The following MREG variants were observed in gnomAD, a reference collection of about 807,000 sequenced individuals.
MREG encodes melanoregulin.
Under a neutral mutation model 28.5 loss-of-function variants are expected in MREG, and 31 were observed. The observed-to-expected ratio is 1.09, with a 90% confidence interval of 0.82 to 1.47. MREG has a LOEUF of 1.47. Ranked by LOEUF, MREG falls within the 40% of genes most tolerant of loss-of-function variation. The pLI is 0.00. For missense variants in MREG, 256 were observed against 257.4 expected, an observed-to-expected ratio of 0.99 and a Z score of 0.04; for synonymous variants, 106 against 95.2, an observed-to-expected ratio of 1.11 and a Z score of -0.66.
chr2:215,999,395 C>T (rs1258127705), intron 1 of MREG, among the ~76,000 whole-genome samples: 2 of 152,120 alleles, frequency 1.3e-5, no homozygotes, highest in Non-Finnish European at 2.9e-5. Context: ...TCAAGCCATG[C>T]TCTTTGAGGT....
intron 1 of MREG, among the ~76,000 whole-genome samples, chr2:216,007,238 A>G (rs1341032246): frequency 6.6e-6 from 1 of 152,008 alleles, no homozygotes; most frequent in African/African-American, 2.4e-5. Context: ...CAAAATCAAT[A>G]CTAGTGATGT....
chr2:215,998,037 G>GCT (rs1481622891), intron 1 of MREG, among the ~76,000 whole-genome samples: 14 of 152,186 alleles, frequency 9.2e-5, no homozygotes, highest in Non-Finnish European at 1.9e-4. Context: ...GGGCACGGTG[G>GCT]CTCACGCCTG....
intron 2 of MREG, among the ~76,000 whole-genome samples, chr2:215,966,004 A>C (rs1692928269): frequency 1.3e-5 from 2 of 152,210 alleles, no homozygotes; most frequent in Non-Finnish European, 2.9e-5. Flanking sequence ...AAAATCTTTG[A>C]GGCGTGGCTC....
At chr2:215,990,948 A>T (rs1693706352) in intron 2 of MREG, among the ~76,000 whole-genome samples, 1 of 152,226 alleles carries the variant, frequency 6.6e-6, no homozygotes, top group Non-Finnish European at 1.5e-5. Context: ...TAATAGCGGG[A>T]GACTTTAACA....
chr2:215,942,397 C>T (rs1283461951), downstream of MREG, among the ~76,000 whole-genome samples: 1 of 152,196 alleles, frequency 6.6e-6, no homozygotes, highest in Non-Finnish European at 1.5e-5. Context: ...ACCTGAGGCA[C>T]CCCTGCGCCC....
At chr2:215,979,947 T>C (rs1693373542) in intron 2 of MREG, among the ~76,000 whole-genome samples, 1 of 149,098 alleles carries the variant, frequency 6.7e-6, no homozygotes, top group African/African-American at 2.5e-5. Context: ...TCAGGCCCTG[T>C]TTTATGCAAG....
chr2:215,979,978 C>A (rs77765621), intron 2 of MREG, among the ~76,000 whole-genome samples: 193 of 143,162 alleles, frequency 1.3e-3, no homozygotes, highest in Admixed American at 1.9e-3. Context: ...AACAAACAAA[C>A]AAAAAAAAAA....
In MREG at chr2:215,943,116, A is replaced by G. The variant is rs1692224778; in HGVS notation, c.*1747T>C. 8.5e-6 allele frequency: 2 copies of G among 235,342 alleles called. No homozygotes were observed. Among genetic ancestry groups the G allele is most frequent in the Non-Finnish European group, 1.7e-5 (2 of 115,406 alleles). 14.6% of individuals were successfully genotyped at this position (235,342 alleles called of 1,614,324 possible). ...AAAATTTTCAAGTCACAGTCCTCTA[A>G]GCAGACTAAATACAAGTTAGTTTTT... On this transcript the variant is annotated 3_prime_UTR_variant, in exon 5 of 5. Transcript: ENST00000263268.
intron 1 of MREG, among the ~76,000 whole-genome samples, chr2:216,007,878 T>C (rs1694202657): frequency 6.6e-6 from 1 of 152,036 alleles, no homozygotes; most frequent in African/African-American, 2.4e-5. Context: ...TGGCCATGAG[T>C]TCAATGTTGA....
chr2:215,957,786 C>G (rs370537804), intron 2 of MREG, among the ~76,000 whole-genome samples: 55 of 152,064 alleles, frequency 3.6e-4, no homozygotes, highest in Non-Finnish European at 5.9e-4. Context: ...CAGCGTGCCC[C>G]CTTCTTCCCC....
intron 1 of MREG, among the ~76,000 whole-genome samples, chr2:216,024,724 G>GA (rs201538145): frequency 0.021 from 3,177 of 149,794 alleles, 123 homozygotes; most frequent in African/African-American, 0.073. Flanking sequence ...AAATTCAAAA[G>GA]AAAAAAAAAT....
chr2:216,006,197 C>T (rs150797401), intron 1 of MREG, among the ~76,000 whole-genome samples: 9 of 152,312 alleles, frequency 5.9e-5, no homozygotes, highest in African/African-American at 1.7e-4. Flanking sequence ...CTTCCAATGG[C>T]ACTATGACTA....
chr2:215,990,515 A>C (rs1223580147), intron 2 of MREG, among the ~76,000 whole-genome samples: 1 of 152,246 alleles, frequency 6.6e-6, no homozygotes, highest in Non-Finnish European at 1.5e-5. Flanking sequence ...AGCTAGCATC[A>C]TAATGATGGG....
At chr2:216,032,270 G>T (rs1250304723) in intron 1 of MREG, among the ~76,000 whole-genome samples, 2 of 152,182 alleles carry the variant, frequency 1.3e-5, no homozygotes, top group Non-Finnish European at 2.9e-5. Flanking sequence ...GAAAACAAAA[G>T]CCAAATGGTC....
chr2:216,007,985 G>A (rs1043738440), intron 1 of MREG, among the ~76,000 whole-genome samples: 11 of 151,990 alleles, frequency 7.2e-5, no homozygotes, highest in East Asian at 3.8e-4. Flanking sequence ...TCCTGCCATC[G>A]GCTCACAGGA....
chr2:215,989,127 T>C (rs1342717210), intron 2 of MREG, among the ~76,000 whole-genome samples: 1 of 152,142 alleles, frequency 6.6e-6, no homozygotes. Context: ...GGTCAACAGA[T>C]ACCTCATACA....
intron 2 of MREG, among the ~76,000 whole-genome samples, chr2:215,977,332 A>G (rs1358795086): frequency 1.3e-5 from 2 of 152,226 alleles, no homozygotes; most frequent in African/African-American, 4.8e-5. Context: ...AGAACTAACT[A>G]TCCTAAATAT....
At chr2:216,028,243 C>T (rs774656565) in intron 1 of MREG, among the ~76,000 whole-genome samples, 2 of 152,070 alleles carry the variant, frequency 1.3e-5, no homozygotes, top group Non-Finnish European at 2.9e-5. Flanking sequence ...AGGCCGGGCA[C>T]GGTGGCTCAC....
chr2:215,996,233 G>T lies in MREG; in HGVS notation c.255+73C>A, dbSNP rs1263809048. ...TTCATTCTTTTTGTTATTTCAAGGG[G>T]ATCTTCTCAGGAATTACTATTTTTT... On this transcript the variant is annotated intron_variant, in intron 2 of 4. Coordinates refer to ENST00000263268, the MANE Select transcript of MREG (RefSeq NM_018000.3). 10 of 1,393,596 alleles carry T rather than the reference G, an allele frequency of 7.2e-6. No individual in the cohort carries two copies. The East Asian group carries it at 2.0e-4, about 28-fold the overall frequency. 86.3% of individuals were successfully genotyped at this position (1,393,596 alleles called of 1,614,324 possible).
Sources: allele counts gnomAD v4.1 joint callset (sites outside exome capture counted in the v4.1 genomes callset), GRCh38; gene constraint gnomAD v4.1.1; transcripts MANE v1.5; gene names NCBI Gene and HGNC (gene_info 2026-07-23, HGNC 2026-07-21).